AFF2: variants seen among roughly 807,000 people sequenced by gnomAD.
The protein encoded by AFF2 is ALF transcription elongation factor 2, also known as AF4/FMR2 family member 2.
AFF2 carries 14 observed loss-of-function variants against 76.9 expected under a neutral mutation model. The ratio of observed to expected loss-of-function variants is 0.18; its 90% CI spans 0.12 to 0.28. The LOEUF is 0.28. Among genes scored for constraint, AFF2 ranks in the 10% least tolerant of loss-of-function variants. AFF2 has a pLI of 1.00. For missense variants in AFF2, 868 were observed against 1,001.1 expected (o/e 0.87, Z 1.79); for synonymous variants, 398 against 366.7 (o/e 1.09, Z -0.98).
intron 9 of AFF2, among the ~76,000 whole-genome samples, chrX:148,928,011 T>C (rs1380762785): frequency 9.0e-6 from 1 of 111,651 alleles, no homozygotes; most frequent in Non-Finnish European, 1.9e-5. Flanking sequence ...GGCTCTGTTT[T>C]TCGTAAGGTT....
At chrX:148,914,288 G>A (rs956911416) in intron 9 of AFF2, among the ~76,000 whole-genome samples, 1 of 111,421 alleles carries the variant, frequency 9.0e-6, no homozygotes, top group Non-Finnish European at 1.9e-5. Flanking sequence ...GGCAGCTGGG[G>A]CGGGGGGTGG....
At chrX:148,831,640 G>A (rs782123457) in intron 4 of AFF2, among the ~76,000 whole-genome samples, 1 of 112,069 alleles carries the variant, frequency 8.9e-6, no homozygotes, top group African/African-American at 3.2e-5. Context: ...GAGGAGCAGA[G>A]CATCCTACAG....
intron 3 of AFF2, among the ~76,000 whole-genome samples, chrX:148,809,401 G>A (rs1557271603): frequency 8.9e-6 from 1 of 112,147 alleles, no homozygotes; most frequent in Non-Finnish European, 1.9e-5. Flanking sequence ...AACTGCCAAG[G>A]CAAGCATGCA....
intron 3 of AFF2, among the ~76,000 whole-genome samples, chrX:148,744,381 G>A (rs528383847): frequency 1.8e-5 from 2 of 111,907 alleles, no homozygotes; most frequent in Admixed American, 1.9e-4. Context: ...GTATGTAAAC[G>A]TGTGAAGAAG....
At chrX:148,785,802 C>T (rs2069812356) in intron 3 of AFF2, among the ~76,000 whole-genome samples, 1 of 112,118 alleles carries the variant, frequency 8.9e-6, no homozygotes, top group Non-Finnish European at 1.9e-5. Flanking sequence ...AAATAAGCCA[C>T]ACTTAAGACA....
chrX:148,504,565 A>C (rs1244628185), intron 1 of AFF2, among the ~76,000 whole-genome samples: 3 of 112,698 alleles, frequency 2.7e-5, no homozygotes, highest in African/African-American at 9.7e-5. Context: ...AAACTCACTA[A>C]ACTGTTATAT....
chrX:148,917,297 C>T (rs182212527), intron 9 of AFF2, among the ~76,000 whole-genome samples: 5 of 111,808 alleles, frequency 4.5e-5, no homozygotes, highest in Middle Eastern at 4.6e-3. Flanking sequence ...TGTCGGCCTC[C>T]CTATGAATGG....
At chrX:148,594,447 A>G (rs1489069877) in intron 1 of AFF2, among the ~76,000 whole-genome samples, 5 of 112,200 alleles carry the variant, frequency 4.5e-5, no homozygotes, top group Non-Finnish European at 7.5e-5. Flanking sequence ...ACTTTTTTCA[A>G]TAGTGGATTG....
intron 3 of AFF2, among the ~76,000 whole-genome samples, chrX:148,712,560 A>T (rs1442594847): frequency 1.8e-5 from 2 of 111,314 alleles, no homozygotes; most frequent in Non-Finnish European, 3.8e-5. Context: ...AGACTGGGCA[A>T]CCCCTCCCTC....
At position 148,577,298 on chromosome X, in the gene AFF2, C is replaced by T. The variant is rs548981924; in HGVS notation, c.48-74701C>T. On this transcript the variant is annotated intron_variant, in intron 1 of 20. Coordinates refer to ENST00000370460, the MANE Select transcript of AFF2 (RefSeq NM_002025.4). ...CCTTGGATGTGTGTGTGTGTGTGTGCGCGCACACACGTGCGCACAAGTCAA... is the reference window on the plus strand; with the variant it reads ...CCTTGGATGTGTGTGTGTGTGTGTGTGCGCACACACGTGCGCACAAGTCAA... Among the ~76,000 whole-genome samples, 28 of 111,768 alleles carry T rather than the reference C, an allele frequency of 2.5e-4. No individual in the cohort carries two copies. In the South Asian group the frequency reaches 3.3e-3, roughly 13 times the overall value.
chrX:148,904,300 G>A (rs192245360), intron 9 of AFF2, 42 bp downstream of exon 9: 145 of 782,229 alleles, frequency 1.9e-4, no homozygotes, highest in Middle Eastern at 3.1e-4. Flanking sequence ...TAATTTTAAC[G>A]GACTCGATGC....
Position 148,966,800 on chromosome X carries a change from C to G in AFF2, c.2924C>G (p.Thr975Ser), listed in dbSNP as rs1362764411. ...CCTCCTTTTTCCCAGGAGGGAGACA[C>G]TCCAAAAAAGGCATCCTCTGCCACC... Reference protein sequence around the residue: ...FKGISVNEGDTPKKASSATIT... With the variant: ...FKGISVNEGDSPKKASSATIT... Residue 975 changes from threonine to serine, a missense_variant, in exon 14 of 21, where the codon ACT becomes AGT. Physicochemically the swap from Thr to Ser is moderately conservative, Grantham distance 58 (BLOSUM62 1). Around this residue, in one of 6 missense-constraint regions of AFF2, gnomAD observed 532 missense variants for 564.2 expected, o/e 0.94. Coordinates refer to ENST00000370460, the MANE Select transcript of AFF2 (RefSeq NM_002025.4). The G allele has an allele frequency of 8.3e-7, 1 of 1,207,739 alleles. No individual in the cohort carries two copies. The highest frequency in any genetic ancestry group is 1.1e-6 in the Non-Finnish European group (1 of 894,387).
chrX:148,564,962 T>C (rs782347153), intron 1 of AFF2, among the ~76,000 whole-genome samples: 1 of 112,178 alleles, frequency 8.9e-6, no homozygotes, highest in Non-Finnish European at 1.9e-5. Context: ...AAGGAGGACA[T>C]GTAGAATTGG....
chrX:148,500,628 T>TGCCGCC lies in AFF2; in HGVS notation c.-468_-467insCGCCGC, dbSNP rs1557231476. ...CTGCCGCGGCCGCCGCCGCCGCCTGTGCAGCCGCTGCCGCCGCCGCCGCCG... is the reference window on the plus strand; with the variant it reads ...CTGCCGCGGCCGCCGCCGCCGCCTGTGCCGCCGCAGCCGCTGCCGCCGCCGCCGCCG... On this transcript the variant is annotated 5_prime_UTR_variant, in exon 1 of 21. Coordinates refer to ENST00000370460, the MANE Select transcript of AFF2 (RefSeq NM_002025.4). 2 of 70,634 alleles carry TGCCGCC rather than the reference T, an allele frequency of 2.8e-5. No individual in the cohort carries two copies. Among genetic ancestry groups the TGCCGCC allele is most frequent in the Non-Finnish European group, 5.6e-5 (2 of 35,450 alleles). 5.8% of individuals were successfully genotyped at this position (70,634 alleles called of 1,213,427 possible).
intron 20 of AFF2, 83 bp from the exon 21 acceptor site, chrX:148,991,128 T>C: frequency 1.0e-6 from 1 of 954,225 alleles, no homozygotes; most frequent in Non-Finnish European, 1.4e-6. Context: ...GGTTGTGGTG[T>C]TGTGTGAAAG....
chrX:148,898,161 G>A (rs782000097), intron 8 of AFF2, among the ~76,000 whole-genome samples: 8 of 112,100 alleles, frequency 7.1e-5, no homozygotes, highest in African/African-American at 1.9e-4. Context: ...CTGTTATCAC[G>A]TCATCTTTGG....
intron 1 of AFF2, among the ~76,000 whole-genome samples, chrX:148,507,794 G>A (rs782551531): frequency 1.1e-4 from 12 of 111,778 alleles, no homozygotes; most frequent in Non-Finnish European, 1.9e-4. Context: ...TGACCTTAGC[G>A]TCTAACATCT....
intron 3 of AFF2, among the ~76,000 whole-genome samples, chrX:148,682,619 T>TGGATGGAC (rs2054562617): frequency 1.8e-5 from 2 of 110,357 alleles, no homozygotes; most frequent in African/African-American, 6.7e-5. Context: ...GATGGATGGA[T>TGGATGGAC]GGATGGACAT....
chrX:148,652,493 C>G (rs1557256523), intron 2 of AFF2, among the ~76,000 whole-genome samples: 1 of 111,879 alleles, frequency 8.9e-6, no homozygotes, highest in Non-Finnish European at 1.9e-5. Context: ...ATGGAGATGT[C>G]TGTTTCTTTT....
Sources: gnomAD v4.1 joint callset for allele counts (sites outside exome capture counted in the v4.1 genomes callset) on GRCh38, gnomAD v4.1.1 for gene constraint, gnomAD v4.1.1 regional missense constraint, MANE v1.5 for transcripts, NCBI Gene and HGNC (gene_info 2026-07-23, HGNC 2026-07-21) for gene names.